NCAN: variants seen among roughly 807,000 people sequenced by gnomAD.
NCAN encodes neurocan, also known as neurocan core protein.
A neutral mutation model predicts 121.8 loss-of-function variants in NCAN; 47 were observed. That is an observed-to-expected ratio of 0.39 (90% CI 0.31 to 0.49). The LOEUF is 0.49. Among genes scored for constraint, NCAN ranks in the 20% least tolerant of loss-of-function variants. NCAN has a pLI of 0.92. For synonymous variants in NCAN, 633 were observed against 702.0 expected, an observed-to-expected ratio of 0.90 and a Z score of 1.55; for missense variants, 1,517 against 1,773.4, an observed-to-expected ratio of 0.86 and a Z score of 2.60.
At position 19,223,907 on chromosome 19, in the gene NCAN, G is replaced by A. The variant is rs748461609; in HGVS notation, c.476-114G>A. ...ACCCTCGACCCACACTGTGCCTGGC[G>A]CTAGGTCTATTATTATCAGACAGGG... On this transcript the variant is annotated intron_variant, in intron 3 of 14. Coordinates refer to ENST00000252575, the MANE Select transcript of NCAN (RefSeq NM_004386.3). 1.8e-4 allele frequency: 199 copies of A among 1,085,726 alleles called. 1 individual carries two copies. The highest frequency in any genetic ancestry group is 4.0e-4 in the East Asian group (15 of 37,460). The allele number at this position is 1,085,726 out of a possible 1,614,324, so 67.3% of individuals were successfully genotyped here.
rs1298094136 is a variant in NCAN, at chr19:19,212,978, CAGGGGCTGGGAAGTA to C, written c.-8+934_-8+948del. On this transcript the variant is annotated intron_variant, in intron 1 of 14. Coordinates refer to ENST00000252575, the MANE Select transcript of NCAN (RefSeq NM_004386.3). The surrounding 1 kb of genome is among the most constrained non-coding windows in gnomAD (Gnocchi z 4.5). ...GAAGCGCTGGCTTGGTTTGGGGGCA[CAGGGGCTGGGAAGTA>C]AGGGGCTGGGAAGTAAGGGCCCTGT... Among the ~76,000 whole-genome samples, 5 of 152,270 alleles carry C rather than the reference CAGGGGCTGGGAAGTA, an allele frequency of 3.3e-5. No homozygotes were observed. Among genetic ancestry groups the C allele is most frequent in the African/African-American group, 7.2e-5 (3 of 41,558 alleles).
chr19:19,226,817 G>A lies in NCAN; in HGVS notation c.1404G>A (p.Thr468=), dbSNP rs112146514. ...CAGGCACTGCAGCAAGTTCACACACGGAGGTGGCCCCAACTGACCCTATGC... is the reference window on the plus strand; with the variant it reads ...CAGGCACTGCAGCAAGTTCACACACAGAGGTGGCCCCAACTGACCCTATGC... The part of the protein sequence containing the change: ...MGAGTAASSH[T]EVAPTDPMPR... The change falls in exon 7 of 15, where the codon ACG becomes ACA. Residue 468 remains threonine, a synonymous_variant. Transcript: ENST00000252575. 1.1e-4 allele frequency: 177 copies of A among 1,613,304 alleles called. 1 individual carries two copies. The highest frequency in any genetic ancestry group is 3.7e-4 in the African/African-American group (28 of 75,074).
intron 9 of NCAN, among the ~76,000 whole-genome samples, chr19:19,234,633 T>C (rs1375871197): frequency 6.6e-6 from 1 of 152,232 alleles, no homozygotes; most frequent in Non-Finnish European, 1.5e-5. Flanking sequence ...TTTGTGACTC[T>C]GTGCAAGTCT....
chr19:19,228,712 C>A, intron 8 of NCAN, 73 bp downstream of exon 8: 2 of 1,483,786 alleles, frequency 1.3e-6, no homozygotes, highest in South Asian at 1.3e-5. Context: ...TGGGGGATCC[C>A]AGAGCAGGGA....
chr19:19,218,922 G>T lies in NCAN; in HGVS notation c.81G>T (p.Gln27His), dbSNP rs199740917. 6.6e-7 allele frequency: 1 copy of T among 1,515,614 alleles called. No individual in the cohort carries two copies. The highest frequency in any genetic ancestry group is 1.3e-5 in the South Asian group (1 of 75,208). The allele number at this position is 1,515,614 out of a possible 1,614,324, so 93.9% of individuals were successfully genotyped here. ...CCACCTTCTCCAACCCAGGCACACAGGATATCACCGATGCCAGCGAAAGGG... is the reference window on the plus strand; with the variant it reads ...CCACCTTCTCCAACCCAGGCACACATGATATCACCGATGCCAGCGAAAGGG... ...LLFVAGEQGTQDITDASERGL... is the reference protein window; with the variant it reads ...LLFVAGEQGTHDITDASERGL... Residue 27 changes from glutamine to histidine, a missense_variant, in exon 3 of 15, where the codon CAG becomes CAT. By Grantham distance (24) the Gln-to-His change is conservative. Coordinates refer to ENST00000252575, the MANE Select transcript of NCAN (RefSeq NM_004386.3).
In NCAN at chr19:19,214,727, GGTGTGTGTGTGTGT is replaced by G. The variant is rs56279536; in HGVS notation, c.-7-2196_-7-2183del. ...TGGATGTAGTCTGACCTGTTAACGG[GGTGTGTGTGTGTGT>G]GTGTGTGTGTGTGTGTGTGTGTGAG... On this transcript the variant is annotated intron_variant, in intron 1 of 14. Coordinates refer to ENST00000252575, the MANE Select transcript of NCAN (RefSeq NM_004386.3). 9.2e-5 allele frequency among the ~76,000 whole-genome samples: 13 copies of G among 141,244 alleles called. No individual in the cohort carries two copies. The East Asian group carries it at 1.7e-3, about 18-fold the overall frequency. 92.7% of individuals were successfully genotyped at this position (141,244 alleles called of 152,430 possible).
chr19:19,245,500 C>T (rs1490154897), intron 13 of NCAN, 43 bp downstream of exon 13: 7 of 1,595,116 alleles, frequency 4.4e-6, no homozygotes, highest in Non-Finnish European at 5.1e-6. Flanking sequence ...GTCACTTTTG[C>T]TCACTGGTTC....
At chr19:19,249,075 G>GTGTGTA (rs1294383358) in intron 14 of NCAN, 193 bp downstream of exon 14, 2 of 579,736 alleles carry the variant, frequency 3.4e-6, no homozygotes, top group African/African-American at 3.9e-5. Flanking sequence ...GTGTGTGTGT[G>GTGTGTA]TGTGTATGTG....
chr19:19,240,197 C>T (rs1469269319), intron 11 of NCAN, among the ~76,000 whole-genome samples: 1 of 150,034 alleles, frequency 6.7e-6, no homozygotes, highest in Non-Finnish European at 1.5e-5. Context: ...CTTCTCCCTT[C>T]CTTCCCCCTT....
Position 19,228,510 on chromosome 19 carries a change from C to T in NCAN, c.2890C>T (p.Leu964=). The T allele has an allele frequency of 1.2e-6, 2 of 1,613,478 alleles. No homozygotes were observed. Among genetic ancestry groups the T allele is most frequent in the Non-Finnish European group, 1.7e-6 (2 of 1,180,028 alleles). ...CTCCAGCACCCTGCTGCCTGTCACC[C>T]TGGGCATAGAGGACTTCGAACTGGA... The part of the protein sequence containing the change: ...DPSSTLLPVT[L]GIEDFELEVL... The change falls in exon 8 of 15, where the codon CTG becomes TTG. Residue 964 remains leucine, a synonymous_variant. Transcript: ENST00000252575.
chr19:19,247,070 C>T (rs535580356), intron 13 of NCAN, among the ~76,000 whole-genome samples: 25 of 151,996 alleles, frequency 1.6e-4, no homozygotes, highest in Admixed American at 3.3e-4. Context: ...TCCTCCCCCC[C>T]ATTTATTCAT....
chr19:19,238,390 G>A lies in NCAN; in HGVS notation c.3388G>A (p.Glu1130Lys), dbSNP rs777459756. The A allele has an allele frequency of 6.2e-7, 1 of 1,614,178 alleles. No homozygotes were observed. Among genetic ancestry groups the A allele is most frequent in the Non-Finnish European group, 8.5e-7 (1 of 1,180,028 alleles). Reference sequence around the variant, plus strand: ...CCACCTGACCAGCGTCCACTCACCGGAGGAACACAGCTTCATTAATAGTAG... The same window carrying A: ...CCACCTGACCAGCGTCCACTCACCGAAGGAACACAGCTTCATTAATAGTAG... ...SGHLTSVHSP[E>K]EHSFINSFGH... Residue 1130 changes from glutamate (E) to lysine (K), a missense_variant, in exon 11 of 15, where the codon GAG (glutamate) becomes AAG (lysine). Coordinates refer to ENST00000252575, the MANE Select transcript of NCAN (RefSeq NM_004386.3).
At chr19:19,241,872 A>G (rs1420633790) in intron 12 of NCAN, among the ~76,000 whole-genome samples, 1 of 152,062 alleles carries the variant, frequency 6.6e-6, no homozygotes, top group Non-Finnish European at 1.5e-5. Context: ...GCATATGCAT[A>G]TAATAAAATT....
At position 19,230,098 on chromosome 19, in the gene NCAN, G is replaced by A. The variant is rs1294753680; in HGVS notation, c.3019+1459G>A. ...CTCACTCTGTCATCCAGCCTGGAGT[G>A]CAGTGGTGTGATCTCGGCGCACTGC... On this transcript the variant is annotated intron_variant, in intron 8 of 14. Transcript: ENST00000252575. Among the ~76,000 whole-genome samples, 3 of 152,118 alleles carry A rather than the reference G, an allele frequency of 2.0e-5. No individual in the cohort carries two copies. In the South Asian group the frequency reaches 6.2e-4, roughly 32 times the overall value.
intron 3 of NCAN, 93 bp from the exon 4 acceptor site, chr19:19,223,928 C>A: frequency 1.5e-6 from 2 of 1,302,990 alleles, no homozygotes; most frequent in Non-Finnish European, 2.1e-6. Flanking sequence ...TATTATCAGA[C>A]AGGGGTGGGG....
chr19:19,228,674 C>A, intron 8 of NCAN, 35 bp downstream of exon 8: 1 of 1,567,082 alleles, frequency 6.4e-7, no homozygotes, highest in South Asian at 1.2e-5. Context: ...GTCCAGCTCT[C>A]CATGGTCAGG....
rs1000225425 is a variant in NCAN at position 19,250,084 on chromosome 19, A to G, written c.*173A>G. 7 of 785,098 alleles carry G rather than the reference A, an allele frequency of 8.9e-6. No homozygotes were observed. In the Admixed American group the frequency reaches 1.4e-4, roughly 16 times the overall value. 48.6% of individuals were successfully genotyped at this position (785,098 alleles called of 1,614,324 possible). A position where few individuals can be genotyped will look rare whatever the true frequency, so the allele number is the denominator to read the frequency against. The stretch of plus-strand genomic sequence containing the variant: ...GCTCCTCTTTTCCCTTTTTTTACAT[A>G]CACAAGATCCTCTTGGCAGGTGGAG... On this transcript the variant is annotated 3_prime_UTR_variant, in exon 15 of 15. Coordinates refer to ENST00000252575, the MANE Select transcript of NCAN (RefSeq NM_004386.3).
At chr19:19,230,929 A>G (rs1372212036) in intron 8 of NCAN, among the ~76,000 whole-genome samples, 4 of 122,472 alleles carry the variant, frequency 3.3e-5, no homozygotes, top group Non-Finnish European at 6.9e-5. Flanking sequence ...GTGTGTGTGT[A>G]GAGATGGGGT....
intron 10 of NCAN, 28 bp downstream of exon 10, chr19:19,235,124 A>G (rs767074579): frequency 3.3e-6 from 5 of 1,511,488 alleles, no homozygotes; most frequent in Admixed American, 3.4e-5. Context: ...CACCAGAAAC[A>G]GTACCAAGAG....
Sources: gnomAD v4.1 joint callset for allele counts (sites outside exome capture counted in the v4.1 genomes callset) on GRCh38, gnomAD v4.1.1 for gene constraint, Gnocchi (gnomAD v3.1) non-coding constraint, MANE v1.5 for transcripts, NCBI Gene and HGNC (gene_info 2026-07-23, HGNC 2026-07-21) for gene names.